Variants in FAM83G observed in about 807,000 individuals in gnomAD.
FAM83G encodes protein FAM83G.
In FAM83G, 38 loss-of-function variants were observed where a neutral mutation model predicts 61.5. The ratio of observed to expected loss-of-function variants is 0.62; its 90% CI spans 0.48 to 0.81. FAM83G has a LOEUF of 0.81. Ranked by LOEUF, FAM83G falls within the 30% of genes least tolerant of loss-of-function variation. The pLI is 0.00. For missense variants in FAM83G, 989 were observed against 1,133.6 expected, an observed-to-expected ratio of 0.87 and a Z score of 1.83; for synonymous variants, 470 against 476.1, an observed-to-expected ratio of 0.99 and a Z score of 0.17.
chr17:18,977,105 C>G, intron 5 of FAM83G: 8 of 1,405,688 alleles, frequency 5.7e-6, no homozygotes, highest in Non-Finnish European at 7.7e-6. Context: ...TGTTCCCCAA[C>G]CTGGGGAGTG....
In FAM83G at chr17:18,977,717, C is replaced by T. The variant is rs1261617965; in HGVS notation, c.1949G>A (p.Ser650Asn). ...GPTPPPRRQLSAPHITRGTFV... is the reference protein window; with the variant it reads ...GPTPPPRRQLNAPHITRGTFV... The stretch of plus-strand genomic sequence containing the variant: ...GGTCCCTCGGGTTATATGGGGGGCA[C>T]TCAGCTGCCGGCGCGGTGGTGGGGT... Residue 650 changes from serine to asparagine, a missense_variant, in exon 5 of 6, where the codon AGT becomes AAT. This residue lies in a region of FAM83G where 574 missense variants were observed against 645.1 expected (regional missense o/e 0.89). Coordinates refer to ENST00000388995, the MANE Select transcript of FAM83G (RefSeq NM_001039999.3). 1.2e-6 allele frequency: 2 copies of T among 1,609,404 alleles called. No individual in the cohort carries two copies. Among genetic ancestry groups the T allele is most frequent in the Non-Finnish European group, 1.7e-6 (2 of 1,178,846 alleles).
chr17:19,005,705 G>A (rs1474022043), upstream of FAM83G, among the ~76,000 whole-genome samples: 2 of 150,324 alleles, frequency 1.3e-5, no homozygotes, highest in South Asian at 2.2e-4. Context: ...CCTTGCCTCT[G>A]AGTCCACTGC....
In FAM83G at chr17:18,978,049, T is replaced by C; in HGVS notation, c.1617A>G (p.Thr539=). The C allele has an allele frequency of 6.6e-7, 1 of 1,523,068 alleles. No individual in the cohort carries two copies. The highest frequency in any genetic ancestry group is 8.8e-7 in the Non-Finnish European group (1 of 1,138,084). The allele number at this position is 1,523,068 out of a possible 1,614,324, so 94.3% of individuals were successfully genotyped here. ...LPKEEAPQNG[T]DHRLPRMAGP... ...CTGCCATCCTGGGTAGCCTATGGTC[T>C]GTCCCATTCTGGGGAGCTTCCTCTT... is the stretch of plus-strand genomic sequence containing the variant. Residue 539 remains threonine, a synonymous_variant, in exon 5 of 6, where the codon ACA becomes ACG. Coordinates refer to ENST00000388995, the MANE Select transcript of FAM83G (RefSeq NM_001039999.3).
chr17:18,979,607 C>T lies in FAM83G; in HGVS notation c.757G>A (p.Ala253Thr), dbSNP rs2043077498. ...FTRSATKFKG[A>T]LAQKFMFVDG... ...ACAAACATGAACTTCTGGGCCAGGG[C>T]ACCCTTGAACTTGGTTGCCGACCGC... Residue 253 changes from alanine to threonine, a missense_variant, in exon 4 of 6, where the codon GCC (alanine) becomes ACC (threonine). Coordinates refer to ENST00000388995, the MANE Select transcript of FAM83G (RefSeq NM_001039999.3). The T allele has an allele frequency of 1.2e-6, 2 of 1,613,478 alleles. No individual in the cohort carries two copies. Among genetic ancestry groups the T allele is most frequent in the Non-Finnish European group, 1.7e-6 (2 of 1,180,020 alleles).
In FAM83G at chr17:19,003,497, C is replaced by T. The variant is rs1362571756; in HGVS notation, c.522+23G>A. 2.0e-6 allele frequency: 3 copies of T among 1,514,872 alleles called. No individual in the cohort carries two copies. The highest frequency in any genetic ancestry group is 2.3e-5 in the East Asian group (1 of 43,390). The allele number at this position is 1,514,872 out of a possible 1,614,324, so 93.8% of individuals were successfully genotyped here. On this transcript the variant is annotated intron_variant, in intron 2 of 5. Transcript: ENST00000388995. The surrounding 1 kb of genome is among the most constrained non-coding windows in gnomAD (Gnocchi z 4.5). ...CCGGTGGCTGGTTGGGCCATGGCTC[C>T]AGGAGTCCCCGCGCTGCCTCACCTT...
intron 2 of FAM83G, among the ~76,000 whole-genome samples, chr17:18,988,949 C>T (rs2043339697): frequency 1.3e-5 from 2 of 152,202 alleles, no homozygotes; most frequent in Admixed American, 6.5e-5. Context: ...GGCAGGGGGC[C>T]TGGCTGAGTG....
intron 5 of FAM83G, chr17:18,977,113 G>A: frequency 2.3e-6 from 3 of 1,317,262 alleles, no homozygotes; most frequent in Middle Eastern, 2.6e-4. Context: ...AACCTGGGGA[G>A]TGGGGAGAGT....
At chr17:18,976,757 C>T (rs2042989531) in intron 5 of FAM83G, 7 of 1,485,130 alleles carry the variant, frequency 4.7e-6, no homozygotes, top group Non-Finnish European at 6.4e-6. Flanking sequence ...GGGACATCAT[C>T]GTGCCTCATG....
chr17:18,976,978 C>T (rs1163616633), intron 5 of FAM83G: 1 of 1,612,574 alleles, frequency 6.2e-7, no homozygotes, highest in Non-Finnish European at 8.5e-7. Context: ...ATCAGCCGCG[C>T]ATTGTTCCCA....
chr17:18,999,233 G>A (rs376218098), intron 2 of FAM83G, among the ~76,000 whole-genome samples: 12 of 152,084 alleles, frequency 7.9e-5, no homozygotes, highest in African/African-American at 2.7e-4. Flanking sequence ...AGCAGAGATC[G>A]TGCCACTGCA....
chr17:18,970,216 G>A lies in FAM83G; in HGVS notation c.*1143C>T, dbSNP rs2152000625. 6.6e-6 allele frequency: 1 copy of A among 152,430 alleles called. No individual in the cohort carries two copies. The highest frequency in any genetic ancestry group is 1.9e-4 in the East Asian group (1 of 5,190). 9.4% of individuals were successfully genotyped at this position (152,430 alleles called of 1,614,324 possible). On this transcript the variant is annotated 3_prime_UTR_variant, in exon 6 of 6. Coordinates refer to ENST00000388995, the MANE Select transcript of FAM83G (RefSeq NM_001039999.3). ...CCATGTCCCACTTGGAAAAGGCTAG[G>A]GAGTAGGGCCTGGGGTGGAAACGGG...
chr17:18,990,114 G>A (rs2043376759), intron 2 of FAM83G, among the ~76,000 whole-genome samples: 1 of 152,180 alleles, frequency 6.6e-6, no homozygotes, highest in Non-Finnish European at 1.5e-5. Flanking sequence ...TCTACGACTC[G>A]CAGGGGAGGC....
Position 18,979,397 on chromosome 17 carries a change from C to T in FAM83G, c.815+152G>A, listed in dbSNP as rs141111762. The stretch of plus-strand genomic sequence containing the variant: ...GCCCTTCTCTGCCTGCCTCCAGAGA[C>T]AGACAGGCGGGCAGATGTGCTCCAG... On this transcript the variant is annotated intron_variant, in intron 4 of 5. Transcript: ENST00000388995. 2.2e-4 allele frequency: 197 copies of T among 911,828 alleles called. No individual in the cohort carries two copies. The African/African-American group carries it at 2.9e-3, about 14-fold the overall frequency. The allele number at this position is 911,828 out of a possible 1,614,324, so 56.5% of individuals were successfully genotyped here.
chr17:18,969,081 G>C lies in FAM83G; in HGVS notation c.*2278C>G. ...ACCTGTACGCGGGGGCTCTGTTTGT[G>C]CACATCTGCCTGGGCTGGAACTTCT... On this transcript the variant is annotated 3_prime_UTR_variant, in exon 6 of 6. Coordinates refer to ENST00000388995, the MANE Select transcript of FAM83G (RefSeq NM_001039999.3). 1 of 1,614,096 alleles carries C rather than the reference G, an allele frequency of 6.2e-7. No individual in the cohort carries two copies. The highest frequency in any genetic ancestry group is 8.5e-7 in the Non-Finnish European group (1 of 1,179,992).
At position 18,977,864 on chromosome 17, in the gene FAM83G, C is replaced by T. The variant is rs1377376384; in HGVS notation, c.1802G>A (p.Gly601Asp). ...SDQDSHSGSS[G>D]RGPGPRRPSV... ...GGGCCGTCGGGGGCCAGGGCCACGGCCGGAGCTGCCTGAGTGGCTGTCCTG... is the reference window on the plus strand; with the variant it reads ...GGGCCGTCGGGGGCCAGGGCCACGGTCGGAGCTGCCTGAGTGGCTGTCCTG... The change falls in exon 5 of 6, where the codon GGC becomes GAC. Residue 601 changes from glycine to aspartate, a missense_variant. By Grantham distance (94) the Gly-to-Asp change is moderately conservative (BLOSUM62 -1). This residue lies in a region of FAM83G where 574 missense variants were observed against 645.1 expected (regional missense o/e 0.89). Transcript: ENST00000388995. The T allele has an allele frequency of 8.7e-6, 14 of 1,611,028 alleles. No homozygotes were observed. The South Asian group carries it at 9.9e-5, about 11-fold the overall frequency.
At chr17:18,998,412 C>T (rs2043624556) in intron 2 of FAM83G, among the ~76,000 whole-genome samples, 1 of 152,242 alleles carries the variant, frequency 6.6e-6, no homozygotes, top group South Asian at 2.1e-4. Flanking sequence ...GCAGGGAGAC[C>T]CTCTCCAGCC....
intron 4 of FAM83G, chr17:18,979,216 C>G: frequency 2.1e-6 from 1 of 469,500 alleles, no homozygotes; most frequent in South Asian, 2.5e-5. Flanking sequence ...GCAGCGCCCA[C>G]CCCATGCCCC....
intron 3 of FAM83G, 145 bp from the exon 4 acceptor site, chr17:18,979,818 G>A: frequency 1.1e-6 from 1 of 919,660 alleles, no homozygotes; most frequent in Admixed American, 2.2e-5. Flanking sequence ...TGGAGAAAGG[G>A]GCTGGTGTGT....
At position 18,970,065 on chromosome 17, in the gene FAM83G, T is replaced by C. The variant is rs1250991093; in HGVS notation, c.*1294A>G. 1 of 152,270 alleles carries C rather than the reference T, an allele frequency of 6.6e-6. No individual in the cohort carries two copies. Among genetic ancestry groups the C allele is most frequent in the Non-Finnish European group, 1.5e-5 (1 of 68,088 alleles). 9.4% of individuals were successfully genotyped at this position (152,270 alleles called of 1,614,324 possible). A position where few individuals can be genotyped will look rare whatever the true frequency, so the allele number is the denominator to read the frequency against. ...CTGTGGCTGAGCAGTTTCTAACCCT[T>C]GAATGGCACTTGTTCATTTGCTCTG... On this transcript the variant is annotated 3_prime_UTR_variant, in exon 6 of 6. Transcript: ENST00000388995.
Sources: gnomAD v4.1 joint callset for allele counts (sites outside exome capture counted in the v4.1 genomes callset) on GRCh38, gnomAD v4.1.1 for gene constraint, gnomAD v4.1.1 regional missense constraint, Gnocchi (gnomAD v3.1) non-coding constraint, MANE v1.5 for transcripts, NCBI Gene and HGNC (gene_info 2026-07-23, HGNC 2026-07-21) for gene names.